Variants in TMEM163 observed in about 807,000 individuals in gnomAD.
TMEM163 encodes the protein transmembrane protein 163.
TMEM163 carries 17 observed loss-of-function variants against 29.3 expected under a neutral mutation model. The ratio of observed to expected loss-of-function variants is 0.58; its 90% confidence interval spans 0.40 to 0.87. The LOEUF (loss-of-function observed/expected upper bound fraction) is 0.87, where lower values mean the gene tolerates loss of function less well. Ranked by LOEUF, TMEM163 falls within the 40% of genes least tolerant of loss-of-function variation. The pLI, the probability that TMEM163 is intolerant of heterozygous loss-of-function variation, is 0.00. For missense variants in TMEM163, 303 were observed against 381.5 expected (o/e 0.79, Z 1.71); for synonymous variants, 157 against 160.6 (o/e 0.98, Z 0.17).
At chr2:134,515,393 T>C (rs962249782) in intron 4 of TMEM163, among the ~76,000 whole-genome samples, 27 of 152,348 alleles carry the variant, frequency 1.8e-4, no homozygotes, top group Non-Finnish European at 2.6e-4. Context: ...CATGGTTAAT[T>C]AAATCTTTTA....
chr2:134,697,463 A>ATT (rs3039626), intron 2 of TMEM163, among the ~76,000 whole-genome samples: 13 of 133,752 alleles, frequency 9.7e-5, no homozygotes, highest in South Asian at 2.4e-4. Context: ...TTTCTTCTCA[A>ATT]TTTTTTTTTT....
intron 2 of TMEM163, among the ~76,000 whole-genome samples, chr2:134,665,896 G>A (rs182711265): frequency 7.5e-4 from 114 of 152,186 alleles, no homozygotes; most frequent in African/African-American, 2.4e-3. Context: ...CTCACCAAAC[G>A]TCTGCAGCTG....
intron 2 of TMEM163, among the ~76,000 whole-genome samples, chr2:134,566,381 G>A (rs778163118): frequency 1.3e-5 from 2 of 152,110 alleles, no homozygotes; most frequent in Non-Finnish European, 2.9e-5. Flanking sequence ...AGCCAATATG[G>A]TGAAACCCCG....
At chr2:134,595,720 A>C (rs956023969) in intron 2 of TMEM163, among the ~76,000 whole-genome samples, 13 of 152,322 alleles carry the variant, frequency 8.5e-5, no homozygotes, top group East Asian at 3.9e-4. Context: ...GAACTAGTTT[A>C]CAGTCCCACC....
At chr2:134,483,997 C>T (rs1679260306) in intron 5 of TMEM163, among the ~76,000 whole-genome samples, 1 of 152,136 alleles carries the variant, frequency 6.6e-6, no homozygotes, top group Admixed American at 6.6e-5. Flanking sequence ...AAAAAATTAG[C>T]TGGGTGTGGT....
chr2:134,710,147 G>A (rs1366673152), intron 2 of TMEM163, among the ~76,000 whole-genome samples: 1 of 152,090 alleles, frequency 6.6e-6, no homozygotes, highest in Non-Finnish European at 1.5e-5. Flanking sequence ...GCCACCTTAG[G>A]CACATGTTTT....
At chr2:134,544,302 G>A (rs940322509) in intron 4 of TMEM163, among the ~76,000 whole-genome samples, 13 of 152,064 alleles carry the variant, frequency 8.5e-5, no homozygotes, top group East Asian at 3.9e-4. Flanking sequence ...TTCTCCCCAC[G>A]CCCTCCATCT....
intron 5 of TMEM163, among the ~76,000 whole-genome samples, chr2:134,498,328 CGATGCTT>C (rs1679619098): frequency 6.6e-6 from 1 of 151,378 alleles, no homozygotes. Flanking sequence ...CAGTCTCCAC[CGATGCTT>C]GGTGCACTTG....
In TMEM163 at chr2:134,619,591, A is replaced by G. The variant is rs114384267; in HGVS notation, c.323-67500T>C. 4.7e-3 allele frequency among the ~76,000 whole-genome samples: 710 copies of G among 152,336 alleles called. 7 individuals are homozygous for G. The highest frequency in any genetic ancestry group is 0.016 in the African/African-American group (677 of 41,580). On this transcript the variant is annotated intron_variant, in intron 2 of 7. Transcript: ENST00000281924. ...AACACACACTTTGTAAAGAGCATCT[A>G]TGAGAAACCTACAGCTAAATAATAC...
intron 2 of TMEM163, among the ~76,000 whole-genome samples, chr2:134,577,420 A>G (rs928196545): frequency 1.3e-5 from 2 of 152,224 alleles, no homozygotes; most frequent in African/African-American, 4.8e-5. Flanking sequence ...GGGGAGGCAC[A>G]GCTGGGACGC....
intron 2 of TMEM163, among the ~76,000 whole-genome samples, chr2:134,659,996 T>G (rs1260637212): frequency 1.3e-5 from 2 of 152,086 alleles, no homozygotes; most frequent in East Asian, 3.9e-4. Context: ...GTTTATTTAG[T>G]TCATGAAGAA....
intron 2 of TMEM163, among the ~76,000 whole-genome samples, chr2:134,676,835 C>A (rs1040067116): frequency 1.3e-5 from 2 of 152,054 alleles, no homozygotes; most frequent in Non-Finnish European, 2.9e-5. Flanking sequence ...ATATTTGAGA[C>A]GAACAGACCT....
intron 5 of TMEM163, among the ~76,000 whole-genome samples, chr2:134,474,158 A>G (rs577937755): frequency 6.6e-6 from 1 of 152,368 alleles, no homozygotes; most frequent in African/African-American, 2.4e-5. Context: ...GGATAATACA[A>G]CATGACCAAA....
At chr2:134,647,817 G>C (rs114608982) in intron 2 of TMEM163, among the ~76,000 whole-genome samples, 7 of 152,160 alleles carry the variant, frequency 4.6e-5, no homozygotes, top group African/African-American at 1.7e-4. Flanking sequence ...CTCACAGAGC[G>C]GGGAGCACAG....
chr2:134,528,838 T>G (rs1355007327), intron 4 of TMEM163, among the ~76,000 whole-genome samples: 1 of 152,258 alleles, frequency 6.6e-6, no homozygotes, highest in Non-Finnish European at 1.5e-5. Context: ...TTCACTGCTA[T>G]GTTATAATAG....
At chr2:134,639,760 C>T (rs1039521532) in intron 2 of TMEM163, among the ~76,000 whole-genome samples, 1 of 152,168 alleles carries the variant, frequency 6.6e-6, no homozygotes, top group African/African-American at 2.4e-5. Context: ...GTATTAGATA[C>T]TTTTCAAACC....
chr2:134,514,572 G>T (rs1284786800), intron 4 of TMEM163, among the ~76,000 whole-genome samples: 1 of 152,174 alleles, frequency 6.6e-6, no homozygotes, highest in Non-Finnish European at 1.5e-5. Flanking sequence ...CACAGAGCCA[G>T]ATTCTGAGGT....
rs1055488360 is a variant in TMEM163, at chr2:134,546,516, C to T, written c.458+4054G>A. Among the ~76,000 whole-genome samples, 138 of 152,210 alleles carry T rather than the reference C, an allele frequency of 9.1e-4. 1 individual carries two copies. The highest frequency in any genetic ancestry group is 6.0e-4 in the Non-Finnish European group (41 of 68,016). ...AAAATTAGCCGGGCCCCATGGCGGA[C>T]GCCTGTAGTCCCAGCTACTCAGGAG... On this transcript the variant is annotated intron_variant, in intron 4 of 7. Coordinates refer to ENST00000281924, the MANE Select transcript of TMEM163 (RefSeq NM_030923.5).
chr2:134,535,590 A>G (rs1157691738), intron 4 of TMEM163, among the ~76,000 whole-genome samples: 1 of 152,214 alleles, frequency 6.6e-6, no homozygotes, highest in Admixed American at 6.5e-5. Flanking sequence ...TACGAGACGA[A>G]TAAGTTCTGG....
Sources: allele counts gnomAD v4.1 joint callset (sites outside exome capture counted in the v4.1 genomes callset), GRCh38; gene constraint gnomAD v4.1.1; transcripts MANE v1.5; gene names NCBI Gene and HGNC (gene_info 2026-07-23, HGNC 2026-07-21).